The following KDM2A variants were observed in gnomAD, a reference collection of about 807,000 sequenced individuals.
KDM2A encodes the protein lysine demethylase 2A.
A neutral mutation model predicts 137.3 loss-of-function variants in KDM2A; 3 were observed. The observed-to-expected ratio is 0.02, with a 90% confidence interval of 0.01 to 0.06. The LOEUF (loss-of-function observed/expected upper bound fraction) is 0.06. Among genes scored for constraint, KDM2A ranks in the 10% least tolerant of loss-of-function variants. KDM2A has a pLI of 1.00. For missense variants in KDM2A, 738 were observed against 1,510.6 expected (o/e 0.49, Z 8.48); for synonymous variants, 512 against 541.5 (o/e 0.95, Z 0.76).
intron 2 of KDM2A, among the ~76,000 whole-genome samples, chr11:67,122,643 T>TTATA: frequency 6.9e-6 from 1 of 144,644 alleles, no homozygotes; most frequent in African/African-American, 2.6e-5. Flanking sequence ...TTTTATTTAT[T>TTATA]TTTATTTATT....
At chr11:67,129,113 A>C (rs911375087) in intron 2 of KDM2A, among the ~76,000 whole-genome samples, 1 of 152,140 alleles carries the variant, frequency 6.6e-6, no homozygotes, top group African/African-American at 2.4e-5. Flanking sequence ...AATGGAGGAC[A>C]CTTTGGCAGG....
chr11:67,234,630 C>T (rs1253020951), intron 12 of KDM2A, among the ~76,000 whole-genome samples: 3 of 152,158 alleles, frequency 2.0e-5, no homozygotes, highest in Non-Finnish European at 2.9e-5. Flanking sequence ...GTGCTTTAGG[C>T]GGCAGACGCA....
intron 2 of KDM2A, among the ~76,000 whole-genome samples, chr11:67,155,356 G>A (rs1256661788): frequency 1.3e-5 from 2 of 152,156 alleles, no homozygotes; most frequent in African/African-American, 4.8e-5. Flanking sequence ...CCAGGCTGGA[G>A]TGCAAGCAGT....
intron 5 of KDM2A, among the ~76,000 whole-genome samples, chr11:67,186,471 CTTG>C (rs906444211): frequency 1.1e-4 from 16 of 152,292 alleles, no homozygotes; most frequent in Admixed American, 9.2e-4. Context: ...GCTAAGGAAA[CTTG>C]TTACCACTGG....
chr11:67,126,107 G>A lies in KDM2A; in HGVS notation c.42+4749G>A, dbSNP rs140618551. Among the ~76,000 whole-genome samples, 52 of 151,294 alleles carry A rather than the reference G, an allele frequency of 3.4e-4. 1 individual carries two copies. The East Asian group carries it at 8.9e-3, about 26-fold the overall frequency. ...ACTGAAAATACAAAATTAGCCGAAC[G>A]TGGTGACGCATGCCTGTAATCCCAG... On this transcript the variant is annotated intron_variant, in intron 2 of 20. Coordinates refer to ENST00000529006, the MANE Select transcript of KDM2A (RefSeq NM_012308.3).
chr11:67,188,447 A>G (rs1590761932), intron 5 of KDM2A, among the ~76,000 whole-genome samples: 1 of 150,088 alleles, frequency 6.7e-6, no homozygotes, highest in East Asian at 2.0e-4. Context: ...GCGCCACTGC[A>G]CTCCAGCCTG....
intron 2 of KDM2A, among the ~76,000 whole-genome samples, chr11:67,167,094 G>T (rs973739376): frequency 6.6e-6 from 1 of 152,074 alleles, no homozygotes; most frequent in African/African-American, 2.4e-5. Context: ...AAATTAAAAA[G>T]TTTAATATTG....
Position 67,130,425 on chromosome 11 carries a change from G to A in KDM2A, c.42+9067G>A, listed in dbSNP as rs1215807405. On this transcript the variant is annotated intron_variant, in intron 2 of 20. Transcript: ENST00000529006. ...CTCCCAAAGTGTTGGGATTACAGGC[G>A]TGAGCCACCATGCCCGGCCTTAAGC... Among the ~76,000 whole-genome samples, 4 of 152,132 alleles carry A rather than the reference G, an allele frequency of 2.6e-5. No individual in the cohort carries two copies. In the East Asian group the frequency reaches 7.7e-4, roughly 29 times the overall value.
At chr11:67,224,935 A>G (rs959684616) in intron 10 of KDM2A, among the ~76,000 whole-genome samples, 2 of 130,860 alleles carry the variant, frequency 1.5e-5, no homozygotes, top group Admixed American at 1.9e-4. Flanking sequence ...TCCACCTCCC[A>G]GGTTCAAACA....
chr11:67,250,250 C>A lies in KDM2A; in HGVS notation c.2220C>A (p.Ser740=). ...VSPRGMVTRS[S]PGAGPSDHHS... is the part of the protein sequence containing the mutation. Reference sequence around the variant, plus strand: ...CCCGGGGTATGGTGACTCGGTCATCCCCTGGGGCTGGCCCCAGCGACCACC... The same window carrying A: ...CCCGGGGTATGGTGACTCGGTCATCACCTGGGGCTGGCCCCAGCGACCACC... The change falls in exon 17 of 21, where the codon TCC becomes TCA. Residue 740 remains serine, a synonymous_variant. Coordinates refer to ENST00000529006, the MANE Select transcript of KDM2A (RefSeq NM_012308.3). The surrounding 1 kb of genome is among the most constrained non-coding windows in gnomAD (Gnocchi z 7.1). 1.2e-6 allele frequency: 2 copies of A among 1,613,886 alleles called. No homozygotes were observed. Among genetic ancestry groups the A allele is most frequent in the African/African-American group, 1.3e-5 (1 of 75,030 alleles).
intron 2 of KDM2A, among the ~76,000 whole-genome samples, chr11:67,179,401 G>A (rs1192858904): frequency 1.3e-5 from 2 of 152,176 alleles, no homozygotes; most frequent in African/African-American, 4.8e-5. Flanking sequence ...AGCCTCCTGA[G>A]TAGCTGGGAT....
intron 13 of KDM2A, among the ~76,000 whole-genome samples, chr11:67,244,911 G>A (rs1224243531): frequency 6.6e-6 from 1 of 151,772 alleles, no homozygotes; most frequent in African/African-American, 2.4e-5. Context: ...GCGGGAACCC[G>A]GGAGGCGGAG....
chr11:67,134,051 T>C (rs1396954883), intron 2 of KDM2A, among the ~76,000 whole-genome samples: 1 of 152,218 alleles, frequency 6.6e-6, no homozygotes, highest in Non-Finnish European at 1.5e-5. Context: ...ACAGTGTGCT[T>C]TCTGAGGATT....
At chr11:67,235,866 C>T (rs771941810) in intron 12 of KDM2A, among the ~76,000 whole-genome samples, 3 of 152,036 alleles carry the variant, frequency 2.0e-5, no homozygotes, top group Non-Finnish European at 4.4e-5. Context: ...GATCCACCTG[C>T]CTTGGCCTCC....
chr11:67,255,578 C>G lies in KDM2A; in HGVS notation c.*523C>G. ...CCAGGAGTCCCAGACCCGTGCCGAT[C>G]ACACTGGTGCTGTTGAGATCTCCCA... On this transcript the variant is annotated 3_prime_UTR_variant, in exon 21 of 21. Coordinates refer to ENST00000529006, the MANE Select transcript of KDM2A (RefSeq NM_012308.3). 1 of 456,794 alleles carries G rather than the reference C, an allele frequency of 2.2e-6. No homozygotes were observed. The highest frequency in any genetic ancestry group is 4.4e-6 in the Non-Finnish European group (1 of 227,010). 28.3% of individuals were successfully genotyped at this position (456,794 alleles called of 1,614,324 possible). A position where few individuals can be genotyped will look rare whatever the true frequency, so the allele number is the denominator to read the frequency against.
intron 2 of KDM2A, among the ~76,000 whole-genome samples, chr11:67,127,290 T>C (rs1315032005): frequency 6.6e-6 from 1 of 152,076 alleles, no homozygotes; most frequent in Non-Finnish European, 1.5e-5. Flanking sequence ...AAAGGCAGGC[T>C]ATCCCTGTTC....
chr11:67,206,830 G>A (rs768404264), intron 5 of KDM2A, among the ~76,000 whole-genome samples: 8 of 152,176 alleles, frequency 5.3e-5, no homozygotes, highest in Non-Finnish European at 1.0e-4. Flanking sequence ...GGCCTTATGC[G>A]TTTTGTTGTA....
intron 15 of KDM2A, among the ~76,000 whole-genome samples, chr11:67,246,319 A>G (rs960884426): frequency 8.5e-5 from 13 of 152,222 alleles, no homozygotes; most frequent in African/African-American, 2.9e-4. Context: ...AGGATAGAAC[A>G]GTACACAAAA....
intron 10 of KDM2A, 56 bp from the exon 11 acceptor site, chr11:67,227,981 G>A: frequency 6.5e-7 from 1 of 1,545,166 alleles, no homozygotes; most frequent in Non-Finnish European, 8.9e-7. Context: ...AATTCCATTT[G>A]TTGTACTCTC....
Sources: gnomAD v4.1 joint callset for allele counts (sites outside exome capture counted in the v4.1 genomes callset) on GRCh38, gnomAD v4.1.1 for gene constraint, Gnocchi (gnomAD v3.1) non-coding constraint, MANE v1.5 for transcripts, NCBI Gene and HGNC (gene_info 2026-07-23, HGNC 2026-07-21) for gene names.